KALRN: variants seen among roughly 807,000 people sequenced by gnomAD.
The protein encoded by KALRN is kalirin.
Under a neutral mutation model 353.7 loss-of-function variants are expected in KALRN, and 70 were observed. That is an observed-to-expected ratio of 0.20 (90% CI 0.16 to 0.24). The LOEUF (loss-of-function observed/expected upper bound fraction) is 0.24, where lower values mean the gene tolerates loss of function less well. KALRN is among the 10% of genes least tolerant of loss of function. KALRN has a pLI of 1.00. For missense variants in KALRN, 2,791 were observed against 3,756.7 expected, an observed-to-expected ratio of 0.74 and a Z score of 6.72; for synonymous variants, 1,391 against 1,434.8, an observed-to-expected ratio of 0.97 and a Z score of 0.69.
In KALRN at chr3:124,334,233, TC is replaced by T; in HGVS notation, c.1417-29del. 1 of 1,580,014 alleles carries T rather than the reference TC, an allele frequency of 6.3e-7. No individual in the cohort carries two copies. The highest frequency in any genetic ancestry group is 1.7e-5 in the Admixed American group (1 of 59,970). ...CTCTGTGCCCTGCCTATCACCCTTT[TC>T]CCTTAACTTAAACTTCTCTCTTTCC... is the stretch of plus-strand genomic sequence containing the variant. On this transcript the variant is annotated intron_variant, in intron 8 of 59. Transcript: ENST00000682506. This position sits in a 1 kb window ranked among gnomAD's most constrained non-coding sequence, Gnocchi z 4.2.
At position 124,495,961 on chromosome 3, in the gene KALRN, G is replaced by GTA. The variant is rs1247326841; in HGVS notation, c.4833-348_4833-347dup. Among the ~76,000 whole-genome samples, 137 of 37,858 alleles carry GTA rather than the reference G, an allele frequency of 3.6e-3. 12 individuals carry two copies. The highest frequency in any genetic ancestry group is 5.7e-3 in the Non-Finnish European group (112 of 19,772). 24.8% of individuals were successfully genotyped at this position (37,858 alleles called of 152,430 possible). On this transcript the variant is annotated intron_variant, in intron 32 of 59. Coordinates refer to ENST00000682506, the MANE Select transcript of KALRN (RefSeq NM_001388419.1). Reference sequence around the variant, plus strand: ...CGTTCCCAAGTGTGTGTATGTGTATGTATGTATATATATATATATATATAT... The same window carrying GTA: ...CGTTCCCAAGTGTGTGTATGTGTATGTATATGTATATATATATATATATATAT...
rs2092159355 is a variant in KALRN at position 124,411,537 on chromosome 3, G to A, written c.2347-1933G>A. Among the ~76,000 whole-genome samples, 8 of 139,910 alleles carry A rather than the reference G, an allele frequency of 5.7e-5. No individual in the cohort carries two copies. In the Admixed American group the frequency reaches 6.3e-4, roughly 11 times the overall value. The allele number at this position is 139,910 out of a possible 152,430, so 91.8% of individuals were successfully genotyped here. On this transcript the variant is annotated intron_variant, in intron 13 of 59. Coordinates refer to ENST00000682506, the MANE Select transcript of KALRN (RefSeq NM_001388419.1). Reference sequence around the variant, plus strand: ...GTGCACTACAACCTTGAACTCCTGGGCTCAAGTGATTCTCCTGCCTCAGCC... The same window carrying A: ...GTGCACTACAACCTTGAACTCCTGGACTCAAGTGATTCTCCTGCCTCAGCC...
chr3:124,392,159 C>T (rs1441372903), intron 11 of KALRN, among the ~76,000 whole-genome samples: 3 of 152,154 alleles, frequency 2.0e-5, no homozygotes, highest in African/African-American at 4.8e-5. Flanking sequence ...AAGCAATCCT[C>T]CCGCCTCAGC....
rs2082350707 is a variant in KALRN at position 124,347,280 on chromosome 3, G to C, written c.1770+15G>C. 1 of 799,566 alleles carries C rather than the reference G, an allele frequency of 1.3e-6. No homozygotes were observed. Among genetic ancestry groups the C allele is most frequent in the African/African-American group, 2.5e-5 (1 of 40,336 alleles). 49.5% of individuals were successfully genotyped at this position (799,566 alleles called of 1,614,324 possible). On this transcript the variant is annotated intron_variant, in intron 10 of 59. Transcript: ENST00000682506. ...AGGTGGCTCAGGTGAGAAGCTGTGT[G>C]TGTGTGTGTGTGTGTGTGTGTGTGT...
At chr3:124,599,890 T>G (rs984721470) in intron 34 of KALRN, among the ~76,000 whole-genome samples, 1 of 152,020 alleles carries the variant, frequency 6.6e-6, no homozygotes, top group Non-Finnish European at 1.5e-5. Context: ...CATTTTAGAG[T>G]GTTAGCAGCC....
chr3:124,081,501 T>C (rs1412809248), intron 1 of KALRN, among the ~76,000 whole-genome samples: 2 of 152,196 alleles, frequency 1.3e-5, no homozygotes, highest in African/African-American at 4.8e-5. Context: ...CCGGGCACAG[T>C]GGCTCACGCC....
chr3:124,410,433 A>G (rs1044696594), intron 13 of KALRN, among the ~76,000 whole-genome samples: 1 of 152,248 alleles, frequency 6.6e-6, no homozygotes, highest in Non-Finnish European at 1.5e-5. Context: ...GCTATTTTAC[A>G]TATATTATCT....
At chr3:124,358,942 T>G (rs1270742453) in intron 10 of KALRN, among the ~76,000 whole-genome samples, 1 of 152,186 alleles carries the variant, frequency 6.6e-6, no homozygotes, top group South Asian at 2.1e-4. Context: ...GGATCAGGCC[T>G]GGTGGGGATC....
At chr3:124,644,158 C>G (rs1559753346) in intron 37 of KALRN, among the ~76,000 whole-genome samples, 1 of 151,962 alleles carries the variant, frequency 6.6e-6, no homozygotes, top group Non-Finnish European at 1.5e-5. Context: ...CTGGTAACTA[C>G]TGTTTTATTT....
intron 3 of KALRN, among the ~76,000 whole-genome samples, chr3:124,244,535 C>T (rs1048828437): frequency 6.6e-6 from 1 of 152,192 alleles, no homozygotes; most frequent in Non-Finnish European, 1.5e-5. Flanking sequence ...CCGCGCCTGG[C>T]CTAGAGCTTT....
At chr3:124,614,882 A>G (rs1375739429) in intron 34 of KALRN, among the ~76,000 whole-genome samples, 2 of 152,168 alleles carry the variant, frequency 1.3e-5, no homozygotes, top group Non-Finnish European at 2.9e-5. Flanking sequence ...AACCACCTTC[A>G]TTATACACTG....
intron 34 of KALRN, among the ~76,000 whole-genome samples, chr3:124,568,979 T>A (rs182802633): frequency 1.2e-3 from 184 of 152,270 alleles, no homozygotes; most frequent in African/African-American, 4.3e-3. Flanking sequence ...ATGGTGAGAA[T>A]GGCTTTTAAA....
chr3:124,071,800 C>G (rs2060032474), intron 1 of KALRN, among the ~76,000 whole-genome samples: 1 of 152,184 alleles, frequency 6.6e-6, no homozygotes, highest in Non-Finnish European at 1.5e-5. Flanking sequence ...GGGGATACAT[C>G]TGAACCATAG....
chr3:124,223,502 T>G (rs1049228180), intron 1 of KALRN, among the ~76,000 whole-genome samples: 12 of 152,120 alleles, frequency 7.9e-5, no homozygotes, highest in African/African-American at 2.9e-4. Flanking sequence ...ATTAGAACAC[T>G]TACATAGTAA....
chr3:124,360,878 A>T (rs1408220103), intron 10 of KALRN, among the ~76,000 whole-genome samples: 1 of 152,230 alleles, frequency 6.6e-6, no homozygotes, highest in Non-Finnish European at 1.5e-5. Context: ...ATGAATTTGC[A>T]TATAGGAGGA....
chr3:124,458,950 G>A (rs897872851), intron 23 of KALRN, among the ~76,000 whole-genome samples: 2 of 152,004 alleles, frequency 1.3e-5, no homozygotes, highest in Admixed American at 1.3e-4. Flanking sequence ...AAAAAGAAAG[G>A]AAAAGAAAAT....
chr3:124,558,968 C>G (rs1358993977), intron 33 of KALRN, among the ~76,000 whole-genome samples: 1 of 152,240 alleles, frequency 6.6e-6, no homozygotes, highest in Admixed American at 6.5e-5. Context: ...AAGGGACAAT[C>G]TAGCTCACAC....
intron 18 of KALRN, among the ~76,000 whole-genome samples, chr3:124,440,404 G>A (rs2093630221): frequency 6.6e-6 from 1 of 152,072 alleles, no homozygotes; most frequent in Non-Finnish European, 1.5e-5. Flanking sequence ...GATATGCCCA[G>A]TAAATAGAAT....
At chr3:124,533,933 G>T (rs1303782062) in intron 33 of KALRN, among the ~76,000 whole-genome samples, 1 of 152,148 alleles carries the variant, frequency 6.6e-6, no homozygotes, top group East Asian at 1.9e-4. Context: ...ATTATCAACA[G>T]GTTACCTCCA....
Sources: allele counts gnomAD v4.1 joint callset (sites outside exome capture counted in the v4.1 genomes callset), GRCh38; gene constraint gnomAD v4.1.1; non-coding constraint Gnocchi (gnomAD v3.1); transcripts MANE v1.5; gene names NCBI Gene and HGNC (gene_info 2026-07-23, HGNC 2026-07-21).